PLEKHG5: variants seen among roughly 807,000 people sequenced by gnomAD.
The protein encoded by PLEKHG5 is pleckstrin homology domain-containing family G member 5.
Under a neutral mutation model 103.8 loss-of-function variants are expected in PLEKHG5, and 52 were observed. That is an observed-to-expected ratio of 0.50 (90% CI 0.40 to 0.63). The LOEUF is 0.63. PLEKHG5 is among the 30% of genes least tolerant of loss of function. The pLI, the probability that PLEKHG5 is intolerant of heterozygous loss-of-function variation, is 0.00. For missense variants in PLEKHG5, 1,205 were observed against 1,347.6 expected, an observed-to-expected ratio of 0.89 and a Z score of 1.66; for synonymous variants, 592 against 575.5, an observed-to-expected ratio of 1.03 and a Z score of -0.41.
chr1:6,512,112 C>T (rs1237465365), intron 1 of PLEKHG5, among the ~76,000 whole-genome samples: 2 of 152,188 alleles, frequency 1.3e-5, no homozygotes, highest in Non-Finnish European at 2.9e-5. Flanking sequence ...TCACCATCAC[C>T]CCGTTTTACA....
intron 6 of PLEKHG5, 31 bp from the exon 7 acceptor site, chr1:6,474,195 T>C (rs1344309976): frequency 6.2e-7 from 1 of 1,611,830 alleles, no homozygotes; most frequent in African/African-American, 1.3e-5. Flanking sequence ...AGATCCTCAG[T>C]ACCCTGGTCT....
chr1:6,497,268 C>A, upstream of PLEKHG5: 1 of 910,868 alleles, frequency 1.1e-6, no homozygotes, highest in South Asian at 1.4e-5. The surrounding 1 kb of genome is among the most constrained non-coding windows in gnomAD (Gnocchi z 6.1). Context: ...AGGAGCCGGC[C>A]CGGCCCCCCA....
At chr1:6,471,456 G>A (rs369876557) in intron 12 of PLEKHG5, 32 bp downstream of exon 12, 3 of 1,599,838 alleles carry the variant, frequency 1.9e-6, no homozygotes, top group African/African-American at 2.7e-5. Context: ...CCCTGCCTCA[G>A]TGCCCCCGCC....
At chr1:6,467,779 G>T in intron 20 of PLEKHG5, 46 bp downstream of exon 20, 1 of 1,603,024 alleles carries the variant, frequency 6.2e-7, no homozygotes, top group Non-Finnish European at 8.5e-7. Context: ...GGGCCCCCAT[G>T]CCAGTGCCCT....
chr1:6,493,655 T>C (rs1208987204), upstream of PLEKHG5, among the ~76,000 whole-genome samples: 3 of 152,140 alleles, frequency 2.0e-5, no homozygotes, highest in Non-Finnish European at 4.4e-5. Context: ...GTTATTATTA[T>C]TATTATTGGG....
At chr1:6,468,993 A>C in intron 19 of PLEKHG5, 49 bp downstream of exon 19, 2 of 1,482,126 alleles carry the variant, frequency 1.3e-6, no homozygotes, top group Non-Finnish European at 1.9e-6. Context: ...GTCCTGGGCT[A>C]GAGTACTTGT....
chr1:6,504,563 T>C (rs1638250341), intron 1 of PLEKHG5, among the ~76,000 whole-genome samples: 2 of 122,020 alleles, frequency 1.6e-5, no homozygotes, highest in African/African-American at 7.9e-5. Context: ...CCCTTCTCTC[T>C]TTTTTTTTCT....
At chr1:6,519,751 C>A (rs576620979) in exon 1 of PLEKHG5, 1 of 597,756 alleles carries the variant, frequency 1.7e-6, no homozygotes, top group South Asian at 2.0e-5. Context: ...GTCCCCTGGG[C>A]GCTGTATATT....
rs994245617 is a variant in PLEKHG5, at chr1:6,490,265, C to A, written c.-88+1372G>T. On this transcript the variant is annotated intron_variant, in intron 1 of 20. Coordinates refer to ENST00000377728, the MANE Select transcript of PLEKHG5 (RefSeq NM_020631.6). This position sits in a 1 kb window ranked among gnomAD's most constrained non-coding sequence, Gnocchi z 8.0. ...AGAGACACTGTGATGGGGGCGGGAG[C>A]TTGAACCCATTCCACCCTCACGTAA... 6.6e-6 allele frequency among the ~76,000 whole-genome samples: 1 copy of A among 152,156 alleles called. No individual in the cohort carries two copies. Among genetic ancestry groups the A allele is most frequent in the Non-Finnish European group, 1.5e-5 (1 of 68,036 alleles).
intron 5 of PLEKHG5, 194 bp from the exon 6 acceptor site, chr1:6,474,781 C>G (rs1644710638): frequency 4.5e-6 from 3 of 672,552 alleles, no homozygotes; most frequent in East Asian, 5.4e-5. Flanking sequence ...ACAGGCGCAT[C>G]TGCATACCAC....
intron 20 of PLEKHG5, 69 bp downstream of exon 20, chr1:6,467,756 C>T: frequency 1.3e-6 from 2 of 1,575,936 alleles, no homozygotes; most frequent in Non-Finnish European, 1.7e-6. Flanking sequence ...ATGCGATGCT[C>T]CCAGGCATGA....
chr1:6,509,242 T>G (rs1437664359), intron 1 of PLEKHG5, among the ~76,000 whole-genome samples: 1 of 152,208 alleles, frequency 6.6e-6, no homozygotes, highest in Non-Finnish European at 1.5e-5. Context: ...TTGCCTCTCG[T>G]CCCACCTCTG....
chr1:6,504,111 C>A (rs1209255145), intron 1 of PLEKHG5, among the ~76,000 whole-genome samples: 1 of 152,184 alleles, frequency 6.6e-6, no homozygotes, highest in Non-Finnish European at 1.5e-5. Flanking sequence ...TGGGTCAAGT[C>A]TCTGGCTCTG....
intron 1 of PLEKHG5, among the ~76,000 whole-genome samples, chr1:6,514,289 T>G (rs553975714): frequency 6.6e-6 from 1 of 152,072 alleles, no homozygotes; most frequent in Non-Finnish European, 1.5e-5. Context: ...ACCGTGTCTC[T>G]ACAAAAAGTT....
chr1:6,516,980 G>C (rs1638644182), intron 1 of PLEKHG5, among the ~76,000 whole-genome samples: 1 of 150,022 alleles, frequency 6.7e-6, no homozygotes, highest in African/African-American at 2.5e-5. Context: ...GGGCAAGGTG[G>C]CTCACACCTA....
intron 1 of PLEKHG5, among the ~76,000 whole-genome samples, chr1:6,503,036 G>A (rs1569989804): frequency 6.6e-6 from 1 of 152,172 alleles, no homozygotes; most frequent in African/African-American, 2.4e-5. Context: ...CAAAGGCCTC[G>A]CCACACCTCA....
At chr1:6,511,103 T>TA (rs1638458423) in intron 1 of PLEKHG5, among the ~76,000 whole-genome samples, 1 of 151,946 alleles carries the variant, frequency 6.6e-6, no homozygotes, top group Non-Finnish European at 1.5e-5. Flanking sequence ...AAAAAAAAGT[T>TA]AAACAATTCT....
At chr1:6,517,633 A>G (rs945186444) in intron 1 of PLEKHG5, among the ~76,000 whole-genome samples, 1 of 152,240 alleles carries the variant, frequency 6.6e-6, no homozygotes, top group African/African-American at 2.4e-5. Context: ...TCAGCAGCTC[A>G]GATTCCTTGC....
chr1:6,467,783 G>A lies in PLEKHG5; in HGVS notation c.3011+42C>T, dbSNP rs927883802. The A allele has an allele frequency of 1.9e-6, 3 of 1,608,062 alleles. No homozygotes were observed. In the Admixed American group the frequency reaches 5.0e-5, roughly 27 times the overall value. The stretch of plus-strand genomic sequence containing the variant: ...CAGGCATGAGTGGGCCCCCATGCCA[G>A]TGCCCTGAGCCACCTGCCCTACCCC... On this transcript the variant is annotated intron_variant, in intron 20 of 20. Coordinates refer to ENST00000377728, the MANE Select transcript of PLEKHG5 (RefSeq NM_020631.6).
Sources: gnomAD v4.1 joint callset for allele counts (sites outside exome capture counted in the v4.1 genomes callset) on GRCh38, gnomAD v4.1.1 for gene constraint, Gnocchi (gnomAD v3.1) non-coding constraint, MANE v1.5 for transcripts, NCBI Gene and HGNC (gene_info 2026-07-23, HGNC 2026-07-21) for gene names.